Variants in TSHZ2 observed in about 807,000 individuals in gnomAD.
TSHZ2 encodes the protein teashirt homolog 2.
A neutral mutation model predicts 74.4 loss-of-function variants in TSHZ2; 21 were observed. That is an observed-to-expected ratio of 0.28 (90% CI 0.20 to 0.41). The LOEUF (loss-of-function observed/expected upper bound fraction) is 0.41. TSHZ2 is among the 10% of genes least tolerant of loss of function. The probability of loss-of-function intolerance (pLI) is 1.00; values close to 1 mark genes in which losing one functional copy is unlikely to be tolerated. For synonymous variants in TSHZ2, 540 were observed against 515.3 expected, an observed-to-expected ratio of 1.05 and a Z score of -0.65; for missense variants, 1,244 against 1,293.5, an observed-to-expected ratio of 0.96 and a Z score of 0.59.
chr20:53,029,519 TACA>T (rs948268921), intron 1 of TSHZ2, among the ~76,000 whole-genome samples: 5 of 152,016 alleles, frequency 3.3e-5, no homozygotes, highest in Admixed American at 1.3e-4. Flanking sequence ...CAACTAAAAA[TACA>T]ACAATTAGCT....
At chr20:53,235,504 G>A (rs891248844) in intron 1 of TSHZ2, among the ~76,000 whole-genome samples, 2 of 152,094 alleles carry the variant, frequency 1.3e-5, no homozygotes, top group Non-Finnish European at 2.9e-5. Context: ...CTGCCAGTGT[G>A]TACCAGAAAG....
At chr20:53,044,013 T>C (rs944356544) in intron 1 of TSHZ2, among the ~76,000 whole-genome samples, 2 of 152,234 alleles carry the variant, frequency 1.3e-5, no homozygotes, top group African/African-American at 2.4e-5. Flanking sequence ...TGAGAGGGTA[T>C]GTACTCCATC....
chr20:53,235,412 C>T (rs1989921015), intron 1 of TSHZ2, among the ~76,000 whole-genome samples: 1 of 152,100 alleles, frequency 6.6e-6, no homozygotes, highest in African/African-American at 2.4e-5. Context: ...TCATGTGATC[C>T]ACCCACCTCA....
intron 2 of TSHZ2, among the ~76,000 whole-genome samples, chr20:53,297,553 G>C (rs1392253715): frequency 1.3e-5 from 2 of 152,216 alleles, no homozygotes; most frequent in Non-Finnish European, 2.9e-5. Flanking sequence ...ACTGCACCTG[G>C]CCATAGAGAC....
chr20:53,488,917 A>C lies in TSHZ2; in HGVS notation c.*1782A>C. 4.5e-6 allele frequency: 2 copies of C among 442,236 alleles called. No individual in the cohort carries two copies. Among genetic ancestry groups the C allele is most frequent in the Non-Finnish European group, 9.1e-6 (2 of 218,962 alleles). 27.4% of individuals were successfully genotyped at this position (442,236 alleles called of 1,614,324 possible). On this transcript the variant is annotated 3_prime_UTR_variant, in exon 3 of 3. Coordinates refer to ENST00000371497, the MANE Select transcript of TSHZ2 (RefSeq NM_173485.6). ...CATATAATAGCAAATTGCTTTTTTTATGGCATGCATAACCTAGATGGGAAA... is the reference window on the plus strand; with the variant it reads ...CATATAATAGCAAATTGCTTTTTTTCTGGCATGCATAACCTAGATGGGAAA...
chr20:53,263,790 G>A (rs1191292749), intron 2 of TSHZ2, among the ~76,000 whole-genome samples: 2 of 152,114 alleles, frequency 1.3e-5, no homozygotes, highest in African/African-American at 2.4e-5. Flanking sequence ...TCTAACATGA[G>A]TGCCACTTTT....
At chr20:53,023,494 G>A (rs545049468) in intron 1 of TSHZ2, among the ~76,000 whole-genome samples, 22 of 152,212 alleles carry the variant, frequency 1.4e-4, no homozygotes, top group Admixed American at 4.6e-4. Flanking sequence ...TAGCCTCTAC[G>A]CAGGAGTACA....
At chr20:53,238,966 C>A (rs1357426737) in intron 1 of TSHZ2, among the ~76,000 whole-genome samples, 1 of 152,096 alleles carries the variant, frequency 6.6e-6, no homozygotes, top group African/African-American at 2.4e-5. Context: ...AGCACTCCCG[C>A]CAAGATGGCC....
intron 1 of TSHZ2, among the ~76,000 whole-genome samples, chr20:53,133,021 A>C (rs1987148156): frequency 6.6e-6 from 1 of 151,996 alleles, no homozygotes; most frequent in South Asian, 2.1e-4. Flanking sequence ...GCATTTGATT[A>C]AGTTACAAAA....
intron 1 of TSHZ2, among the ~76,000 whole-genome samples, chr20:53,061,624 TC>T (rs1171919016): frequency 6.6e-6 from 1 of 152,212 alleles, no homozygotes; most frequent in East Asian, 1.9e-4. Context: ...CTTGGAACTT[TC>T]TTTTACTGAC....
At chr20:52,974,969 A>G (rs998659813) in intron 1 of TSHZ2, among the ~76,000 whole-genome samples, 1 of 152,086 alleles carries the variant, frequency 6.6e-6, no homozygotes, top group African/African-American at 2.4e-5. Flanking sequence ...TTCTTTTTTC[A>G]ACTCTAGTTA....
chr20:53,231,760 C>G (rs1447240557), intron 1 of TSHZ2, among the ~76,000 whole-genome samples: 1 of 152,216 alleles, frequency 6.6e-6, no homozygotes, highest in Non-Finnish European at 1.5e-5. Context: ...CACTCACACA[C>G]TATTTGTTGC....
In TSHZ2 at chr20:53,026,235, G is replaced by C. The variant is rs145794264; in HGVS notation, c.40+52902G>C. Among the ~76,000 whole-genome samples the C allele has an allele frequency of 3.3e-5, 5 of 152,078 alleles. No homozygotes were observed. The South Asian group carries it at 1.0e-3, about 32-fold the overall frequency. ...TATAAGAAACAGGATCCTTCTCATT[G>C]TGCCTGCCCTCCTGTGACCTGTCTG... is the stretch of plus-strand genomic sequence containing the variant. On this transcript the variant is annotated intron_variant, in intron 1 of 2. Transcript: ENST00000371497.
chr20:53,206,900 C>A (rs2123597322), intron 1 of TSHZ2, among the ~76,000 whole-genome samples: 1 of 152,242 alleles, frequency 6.6e-6, no homozygotes, highest in East Asian at 1.9e-4. Context: ...CTATTTTGCT[C>A]CCATCCACCT....
chr20:53,381,361 T>C (rs570407731), intron 2 of TSHZ2, among the ~76,000 whole-genome samples: 2 of 152,348 alleles, frequency 1.3e-5, no homozygotes, highest in East Asian at 3.9e-4. Flanking sequence ...CCACTGCCTC[T>C]AATATCATTT....
intron 2 of TSHZ2, among the ~76,000 whole-genome samples, chr20:53,333,459 CTT>C (rs780903034): frequency 3.7e-4 from 51 of 138,956 alleles, no homozygotes; most frequent in Admixed American, 3.6e-4. Context: ...AGCATGGTTT[CTT>C]TTTTTTTTTT....
intron 2 of TSHZ2, among the ~76,000 whole-genome samples, chr20:53,277,425 C>G (rs1194862883): frequency 6.6e-6 from 1 of 150,898 alleles, no homozygotes; most frequent in Non-Finnish European, 1.5e-5. Context: ...AACTTGCTTT[C>G]ACTTTGCAAA....
At chr20:53,462,692 G>C (rs966301454) in intron 2 of TSHZ2, among the ~76,000 whole-genome samples, 3 of 152,182 alleles carry the variant, frequency 2.0e-5, no homozygotes, top group Non-Finnish European at 4.4e-5. Context: ...CAGCTGATTT[G>C]GGGGTGGAGG....
intron 1 of TSHZ2, among the ~76,000 whole-genome samples, chr20:53,197,303 A>G (rs1349495014): frequency 6.6e-6 from 1 of 152,204 alleles, no homozygotes; most frequent in Admixed American, 6.5e-5. Context: ...TGGAATTATG[A>G]TCTTTTAATT....
Sources: gnomAD v4.1 joint callset for allele counts (sites outside exome capture counted in the v4.1 genomes callset) on GRCh38, gnomAD v4.1.1 for gene constraint, MANE v1.5 for transcripts, NCBI Gene and HGNC (gene_info 2026-07-23, HGNC 2026-07-21) for gene names.